The following POU6F2 variants were observed in gnomAD, a reference collection of about 807,000 sequenced individuals.
POU6F2 encodes POU domain, class 6, transcription factor 2.
Under a neutral mutation model 71.3 loss-of-function variants are expected in POU6F2, and 31 were observed. The ratio of observed to expected loss-of-function variants is 0.43; its 90% CI spans 0.33 to 0.59. The LOEUF (loss-of-function observed/expected upper bound fraction) is 0.59, where lower values mean the gene tolerates loss of function less well. POU6F2 is among the 20% of genes least tolerant of loss of function. The pLI is 0.04. For synonymous variants in POU6F2, 347 were observed against 355.7 expected (o/e 0.98, Z 0.27); for missense variants, 783 against 856.8 (o/e 0.91, Z 1.07).
At chr7:39,350,764 G>A (rs1023854271) in intron 5 of POU6F2, among the ~76,000 whole-genome samples, 1 of 152,248 alleles carries the variant, frequency 6.6e-6, no homozygotes, top group Non-Finnish European at 1.5e-5. Flanking sequence ...AGACCTGCAT[G>A]TAATCAAATA....
At chr7:39,002,929 G>A (rs988138404) in intron 1 of POU6F2, among the ~76,000 whole-genome samples, 25 of 152,286 alleles carry the variant, frequency 1.6e-4, no homozygotes, top group African/African-American at 5.1e-4. Context: ...TGAAAAGAGC[G>A]TTTTAAAATT....
intron 4 of POU6F2, among the ~76,000 whole-genome samples, chr7:39,330,253 A>G (rs1371427976): frequency 6.6e-6 from 1 of 151,988 alleles, no homozygotes; most frequent in East Asian, 1.9e-4. Flanking sequence ...AACATCTCTC[A>G]CTCTCTTTTT....
chr7:39,239,975 C>T (rs1463077435), intron 4 of POU6F2, among the ~76,000 whole-genome samples: 1 of 152,154 alleles, frequency 6.6e-6, no homozygotes, highest in Non-Finnish European at 1.5e-5. Context: ...TCTGTCACAT[C>T]TCCAAGTAGA....
In POU6F2 at chr7:39,416,814, T is replaced by TAAAAAAAAAAA. The variant is rs531942673; in HGVS notation, c.1113+10076_1113+10086dup. On this transcript the variant is annotated intron_variant, in intron 6 of 9. Transcript: ENST00000518318. Reference sequence around the variant, plus strand: ...CCTAATTTCAAAAATGTTAAAAATGTAAAAAAAAAAAAGAAGTTATCATTG... The same window carrying TAAAAAAAAAAA: ...CCTAATTTCAAAAATGTTAAAAATGTAAAAAAAAAAAAAAAAAAAAAAAGAAGTTATCATTG... 1.0e-3 allele frequency among the ~76,000 whole-genome samples: 149 copies of TAAAAAAAAAAA among 142,480 alleles called. 1 individual carries two copies. The highest frequency in any genetic ancestry group is 3.7e-3 in the African/African-American group (144 of 38,940). 93.5% of individuals were successfully genotyped at this position (142,480 alleles called of 152,430 possible). A position where few individuals can be genotyped will look rare whatever the true frequency, so the allele number is the denominator to read the frequency against.
chr7:39,369,811 G>T (rs1786573386), intron 5 of POU6F2, among the ~76,000 whole-genome samples: 1 of 151,470 alleles, frequency 6.6e-6, no homozygotes, highest in African/African-American at 2.4e-5. Flanking sequence ...AACCTCCCAA[G>T]TAGCTAGGAC....
intron 1 of POU6F2, among the ~76,000 whole-genome samples, chr7:39,030,983 C>T (rs1485630285): frequency 6.6e-6 from 1 of 151,292 alleles, no homozygotes; most frequent in African/African-American, 2.4e-5. Context: ...TCACCGCAAC[C>T]TCCTCCTCCC....
intron 1 of POU6F2, among the ~76,000 whole-genome samples, chr7:38,985,413 G>A (rs568397358): frequency 3.9e-5 from 6 of 152,038 alleles, no homozygotes; most frequent in African/African-American, 1.4e-4. Context: ...TCTTTGGGCC[G>A]AAACAATTTT....
intron 2 of POU6F2, among the ~76,000 whole-genome samples, chr7:39,161,310 AC>A (rs1355445549): frequency 2.0e-5 from 3 of 152,238 alleles, no homozygotes; most frequent in Admixed American, 2.0e-4. Flanking sequence ...AAAAACATTT[AC>A]ATGCATCTCA....
chr7:39,015,263 A>G (rs1362952525), intron 1 of POU6F2, among the ~76,000 whole-genome samples: 1 of 140,732 alleles, frequency 7.1e-6, no homozygotes, highest in East Asian at 2.0e-4. Flanking sequence ...TATTATATCT[A>G]GAGATATGGT....
At chr7:39,015,310 TATA>T (rs1456689832) in intron 1 of POU6F2, among the ~76,000 whole-genome samples, 4 of 137,080 alleles carry the variant, frequency 2.9e-5, no homozygotes, top group Non-Finnish European at 4.6e-5. Flanking sequence ...AATATCTATA[TATA>T]ATAATAGATA....
chr7:39,191,530 G>C (rs1793664348), intron 2 of POU6F2, among the ~76,000 whole-genome samples: 2 of 151,910 alleles, frequency 1.3e-5, no homozygotes, highest in South Asian at 2.1e-4. Context: ...ATTTACATAA[G>C]ATGAGCTCTG....
intron 2 of POU6F2, among the ~76,000 whole-genome samples, chr7:39,195,222 C>G (rs139743771): frequency 6.6e-6 from 1 of 152,216 alleles, no homozygotes; most frequent in Non-Finnish European, 1.5e-5. Context: ...GGTCTGTGAT[C>G]ATTTAATCAC....
chr7:39,085,474 T>G (rs1791218773), intron 1 of POU6F2, among the ~76,000 whole-genome samples: 1 of 152,184 alleles, frequency 6.6e-6, no homozygotes, highest in Non-Finnish European at 1.5e-5. Flanking sequence ...ACCCAGCACT[T>G]TCTTTTTTCT....
At chr7:39,227,961 C>G (rs1295376454) in intron 4 of POU6F2, among the ~76,000 whole-genome samples, 1 of 152,072 alleles carries the variant, frequency 6.6e-6, no homozygotes. Context: ...TGTGAAGTTG[C>G]TCTATTTTAG....
intron 5 of POU6F2, among the ~76,000 whole-genome samples, chr7:39,379,459 C>T (rs754951938): frequency 1.3e-5 from 2 of 152,196 alleles, no homozygotes; most frequent in Non-Finnish European, 2.9e-5. Context: ...CTTCACCCTG[C>T]ACCCACCTGC....
intron 2 of POU6F2, among the ~76,000 whole-genome samples, chr7:39,094,487 T>C (rs1213986445): frequency 1.3e-5 from 2 of 152,142 alleles, no homozygotes; most frequent in African/African-American, 4.8e-5. Context: ...CCTGTAAGGA[T>C]TATATGCGCC....
chr7:39,313,347 C>T (rs753179851), intron 4 of POU6F2, among the ~76,000 whole-genome samples: 16 of 152,026 alleles, frequency 1.1e-4, no homozygotes, highest in Non-Finnish European at 2.2e-4. Flanking sequence ...ACCTAAAATT[C>T]CAATACCCCC....
chr7:39,034,141 CTG>C (rs1374394267), intron 1 of POU6F2, among the ~76,000 whole-genome samples: 4 of 152,124 alleles, frequency 2.6e-5, no homozygotes, highest in East Asian at 1.9e-4. Context: ...ATAATTAAAA[CTG>C]TGTGGAGAGG....
chr7:39,065,319 G>T (rs1790734534), intron 1 of POU6F2, among the ~76,000 whole-genome samples: 1 of 151,596 alleles, frequency 6.6e-6, no homozygotes, highest in Non-Finnish European at 1.5e-5. Flanking sequence ...ATCACAGGAT[G>T]GGCTATTTAT....
Sources: allele counts gnomAD v4.1 joint callset (sites outside exome capture counted in the v4.1 genomes callset), GRCh38; gene constraint gnomAD v4.1.1; transcripts MANE v1.5; gene names NCBI Gene and HGNC (gene_info 2026-07-23, HGNC 2026-07-21).